Variants in DLG2 observed in about 807,000 individuals in gnomAD.
DLG2 encodes disks large homolog 2.
In DLG2, 45 loss-of-function variants were observed where a neutral mutation model predicts 132.5. The ratio of observed to expected loss-of-function variants is 0.34; its 90% CI spans 0.27 to 0.44. The LOEUF (loss-of-function observed/expected upper bound fraction) is 0.44. DLG2 is among the 20% of genes least tolerant of loss of function. The probability of loss-of-function intolerance (pLI) is 1.00; values close to 1 mark genes in which losing one functional copy is unlikely to be tolerated. For missense variants in DLG2, 1,045 were observed against 1,196.9 expected, an observed-to-expected ratio of 0.87 and a Z score of 1.87; for synonymous variants, 424 against 419.6, an observed-to-expected ratio of 1.01 and a Z score of -0.13.
chr11:84,703,519 C>A (rs1042568107), intron 6 of DLG2, among the ~76,000 whole-genome samples: 3 of 151,274 alleles, frequency 2.0e-5, no homozygotes, highest in Non-Finnish European at 4.4e-5. Flanking sequence ...ACACAGTTGC[C>A]CACCACAAAT....
chr11:84,794,315 AT>A (rs1565980281), intron 6 of DLG2, among the ~76,000 whole-genome samples: 1 of 152,214 alleles, frequency 6.6e-6, no homozygotes, highest in Non-Finnish European at 1.5e-5. Flanking sequence ...AGAGAATCTG[AT>A]GGCAGTGGTG....
At chr11:84,679,434 A>G (rs1196558782) in intron 6 of DLG2, among the ~76,000 whole-genome samples, 1 of 152,042 alleles carries the variant, frequency 6.6e-6, no homozygotes, top group African/African-American at 2.4e-5. Flanking sequence ...AGGGTTCAAA[A>G]TGAAAGGGAG....
At chr11:84,175,116 G>C (rs146879317) in intron 8 of DLG2, among the ~76,000 whole-genome samples, 2 of 152,238 alleles carry the variant, frequency 1.3e-5, no homozygotes, top group East Asian at 1.9e-4. Context: ...AGTGCCTATA[G>C]GGATGGAGAA....
chr11:84,260,807 T>C (rs76225472), intron 7 of DLG2, among the ~76,000 whole-genome samples: 1 of 152,228 alleles, frequency 6.6e-6, no homozygotes, highest in Non-Finnish European at 1.5e-5. Context: ...CCTTTGCTTT[T>C]CACCATTAGG....
At chr11:84,640,311 G>T in intron 6 of DLG2, 1 of 343,962 alleles carries the variant, frequency 2.9e-6, no homozygotes, top group South Asian at 2.4e-5. Flanking sequence ...CTAGGAGAAT[G>T]GGTCTCTTGT....
chr11:84,966,249 T>C (rs2053324567), intron 6 of DLG2, among the ~76,000 whole-genome samples: 1 of 152,068 alleles, frequency 6.6e-6, no homozygotes, highest in Non-Finnish European at 1.5e-5. Context: ...TATATCACAG[T>C]GTGTGCATTA....
intron 3 of DLG2, among the ~76,000 whole-genome samples, chr11:85,506,734 C>T (rs943315048): frequency 1.6e-4 from 25 of 151,938 alleles, no homozygotes; most frequent in South Asian, 6.2e-4. Flanking sequence ...CTATTAGGTC[C>T]GCTTGGTGCA....
intron 6 of DLG2, among the ~76,000 whole-genome samples, chr11:85,086,828 C>A (rs2067997346): frequency 6.6e-6 from 1 of 152,116 alleles, no homozygotes; most frequent in Admixed American, 6.5e-5. Flanking sequence ...GCAAGTAAAT[C>A]TAAATTGTGA....
intron 7 of DLG2, among the ~76,000 whole-genome samples, chr11:84,331,342 TCA>T (rs1326835013): frequency 4.6e-5 from 7 of 151,584 alleles, no homozygotes; most frequent in Non-Finnish European, 8.8e-5. Context: ...AAGTAATTGC[TCA>T]AGGTCATGCA....
At chr11:84,117,931 C>A (rs2093712862) in intron 9 of DLG2, among the ~76,000 whole-genome samples, 1 of 152,130 alleles carries the variant, frequency 6.6e-6, no homozygotes, top group Non-Finnish European at 1.5e-5. Flanking sequence ...TCTCGGCTCA[C>A]TGTGGCCTCT....
At chr11:83,840,667 C>T (rs1268429571) in intron 16 of DLG2, among the ~76,000 whole-genome samples, 1 of 151,974 alleles carries the variant, frequency 6.6e-6, no homozygotes, top group Admixed American at 6.6e-5. Context: ...TATAAATTTC[C>T]CAGAATTCAA....
intron 7 of DLG2, among the ~76,000 whole-genome samples, chr11:84,501,068 G>T (rs1485600531): frequency 6.6e-6 from 1 of 152,122 alleles, no homozygotes; most frequent in Non-Finnish European, 1.5e-5. Context: ...TTTGTTGTTT[G>T]ACTCATAATA....
chr11:84,381,039 A>C (rs977336836), intron 7 of DLG2, among the ~76,000 whole-genome samples: 7 of 151,976 alleles, frequency 4.6e-5, no homozygotes, highest in African/African-American at 1.7e-4. Flanking sequence ...AGGAATGAAA[A>C]GGGAGACATA....
chr11:85,491,665 T>C (rs1289535453), intron 3 of DLG2, among the ~76,000 whole-genome samples: 5 of 151,794 alleles, frequency 3.3e-5, no homozygotes, highest in African/African-American at 1.2e-4. Context: ...CTACAAAAAA[T>C]AAAATACTTA....
chr11:83,499,799 A>AAAC (rs2094349439), intron 21 of DLG2, among the ~76,000 whole-genome samples: 1 of 139,290 alleles, frequency 7.2e-6, no homozygotes, highest in Non-Finnish European at 1.5e-5. Context: ...TATATATAAT[A>AAAC]TCATATATAT....
At chr11:83,533,276 A>G (rs147212521) in intron 20 of DLG2, among the ~76,000 whole-genome samples, 5 of 152,006 alleles carry the variant, frequency 3.3e-5, no homozygotes, top group Admixed American at 2.6e-4. Context: ...CTTTTCCCCA[A>G]TGTCCTTCTG....
chr11:83,991,490 T>C (rs2154182999), intron 11 of DLG2, among the ~76,000 whole-genome samples: 1 of 152,302 alleles, frequency 6.6e-6, no homozygotes, highest in Admixed American at 6.5e-5. Context: ...TTTTGTAAAA[T>C]GAAATCTTCC....
intron 16 of DLG2, among the ~76,000 whole-genome samples, chr11:83,841,206 T>C (rs1014337381): frequency 1.3e-5 from 2 of 152,254 alleles, no homozygotes; most frequent in Non-Finnish European, 2.9e-5. Flanking sequence ...CATAGAACAG[T>C]GTTCAGTCAA....
At chr11:84,560,875 A>G (rs1359126060) in intron 6 of DLG2, among the ~76,000 whole-genome samples, 1 of 152,114 alleles carries the variant, frequency 6.6e-6, no homozygotes, top group Non-Finnish European at 1.5e-5. Context: ...TTACAATGTG[A>G]CTTGATACTG....
Sources: gnomAD v4.1 joint callset for allele counts (sites outside exome capture counted in the v4.1 genomes callset) on GRCh38, gnomAD v4.1.1 for gene constraint, MANE v1.5 for transcripts, NCBI Gene and HGNC (gene_info 2026-07-23, HGNC 2026-07-21) for gene names.